Variants in PIK3C2B observed in about 807,000 individuals in gnomAD.
PIK3C2B encodes phosphatidylinositol 4-phosphate 3-kinase C2 domain-containing subunit beta.
PIK3C2B carries 83 observed loss-of-function variants against 184.3 expected under a neutral mutation model. That is an observed-to-expected ratio of 0.45 (90% confidence interval 0.38 to 0.54). PIK3C2B has a LOEUF of 0.54. Among genes scored for constraint, PIK3C2B ranks in the 20% least tolerant of loss-of-function variants. The pLI, the probability that PIK3C2B is intolerant of heterozygous loss-of-function variation, is 0.00. For missense variants in PIK3C2B, 1,736 were observed against 2,113.5 expected (o/e 0.82, Z 3.50); for synonymous variants, 779 against 837.6 (o/e 0.93, Z 1.21).
intron 13 of PIK3C2B, 24 bp from the exon 14 acceptor site, chr1:204,449,320 G>C: frequency 6.4e-7 from 1 of 1,558,772 alleles, no homozygotes; most frequent in Non-Finnish European, 8.8e-7. Context: ...AGAGTGGGAA[G>C]AGCTGCTAAA....
At chr1:204,427,375 C>A (rs1451358622) in intron 31 of PIK3C2B, among the ~76,000 whole-genome samples, 1 of 152,144 alleles carries the variant, frequency 6.6e-6, no homozygotes, top group Non-Finnish European at 1.5e-5. Context: ...CTCATTTAAT[C>A]CCCATAATGA....
At position 204,443,610 on chromosome 1, in the gene PIK3C2B, G is replaced by GGGAGTCA; in HGVS notation, c.2868-20_2868-14dup. 1 of 1,613,138 alleles carries GGGAGTCA rather than the reference G, an allele frequency of 6.2e-7. No individual in the cohort carries two copies. The highest frequency in any genetic ancestry group is 8.5e-7 in the Non-Finnish European group (1 of 1,179,116). On this transcript the variant is annotated splice_polypyrimidine_tract_variant and intron_variant, in intron 18 of 32. Transcript: ENST00000684373. ...GTCCTTCAGTAACCTGCAAGGCAGA[G>GGGAGTCA]GGAGTCAGGAGTCAGGGCACTCCAG... is the stretch of plus-strand genomic sequence containing the variant.
At chr1:204,457,182 G>T in intron 9 of PIK3C2B, 112 bp from the exon 10 acceptor site, 1 of 835,042 alleles carries the variant, frequency 1.2e-6, no homozygotes, top group Non-Finnish European at 1.9e-6. Flanking sequence ...GGGCTGAAAT[G>T]TGAGTAGCTG....
At chr1:204,445,764 G>A (rs1653801997) in intron 16 of PIK3C2B, among the ~76,000 whole-genome samples, 192 bp downstream of exon 16, 1 of 152,168 alleles carries the variant, frequency 6.6e-6, no homozygotes, top group Admixed American at 6.5e-5. Context: ...TTTGTTGTAT[G>A]TTTGAAAAAT....
At position 204,440,312 on chromosome 1, in the gene PIK3C2B, C is replaced by G; in HGVS notation, c.3259G>C (p.Asp1087His). 1 of 1,594,564 alleles carries G rather than the reference C, an allele frequency of 6.3e-7. No homozygotes were observed. The highest frequency in any genetic ancestry group is 8.6e-7 in the Non-Finnish European group (1 of 1,169,546). Residue 1087 changes from aspartate to histidine, a missense_variant, in exon 22 of 33, where the codon GAC (aspartate) becomes CAC (histidine). Around this residue, in one of 8 missense-constraint regions of PIK3C2B, gnomAD observed 289 missense variants for 380.4 expected, o/e 0.76. Transcript: ENST00000684373. ...NIRVIFKCGD[D>H]LRQDMLTLQM... is the part of the protein sequence containing the mutation. ...AGCGTTAGCATGTCCTGGCGAAGGTCGTCCCCACACTGGATGGAGGGAGAA... is the reference window on the plus strand; with the variant it reads ...AGCGTTAGCATGTCCTGGCGAAGGTGGTCCCCACACTGGATGGAGGGAGAA...
Position 204,449,948 on chromosome 1 carries a change from C to T in PIK3C2B, c.2136G>A (p.Leu712=), listed in dbSNP as rs1223647093. The T allele has an allele frequency of 1.9e-6, 3 of 1,610,816 alleles. No homozygotes were observed. Among genetic ancestry groups the T allele is most frequent in the African/African-American group, 2.7e-5 (2 of 74,912 alleles). ...AGGAGCTCCCCGGTGGGGGGATGGG[C>T]AGAGCATAGAGAGTGGCACACAGCA... is the stretch of plus-strand genomic sequence containing the variant. The part of the protein sequence containing the change: ...ETLLCATLYA[L]PIPPPGSSSE... The change falls in exon 13 of 33, where the codon CTG becomes CTA. Residue 712 remains leucine, a synonymous_variant. Coordinates refer to ENST00000684373, the MANE Select transcript of PIK3C2B (RefSeq NM_001377334.1).
chr1:204,480,853 C>A (rs1031395587), intron 1 of PIK3C2B, among the ~76,000 whole-genome samples: 3 of 152,130 alleles, frequency 2.0e-5, no homozygotes, highest in African/African-American at 7.2e-5. Context: ...CTCTCCACCA[C>A]GTGCCCACAG....
chr1:204,488,588 T>G (rs1358834477), intron 1 of PIK3C2B, among the ~76,000 whole-genome samples: 1 of 152,198 alleles, frequency 6.6e-6, no homozygotes, highest in African/African-American at 2.4e-5. Flanking sequence ...AGAGTGTCAG[T>G]GCACATTCAA....
Position 204,469,814 on chromosome 1 carries a change from G to C in PIK3C2B, c.-12C>G, listed in dbSNP as rs879038121. On this transcript the variant is annotated 5_prime_UTR_variant, in exon 2 of 33. Transcript: ENST00000684373. The stretch of plus-strand genomic sequence containing the variant: ...TGAGTCGAAGACATGGTGAGGATGG[G>C]GGACACAGGCAACAAAGTCTCTACT... The C allele has an allele frequency of 1.9e-6, 3 of 1,593,740 alleles. No individual in the cohort carries two copies. The highest frequency in any genetic ancestry group is 2.7e-5 in the African/African-American group (2 of 74,470).
At chr1:204,464,413 A>G in intron 4 of PIK3C2B, 37 bp downstream of exon 4, 1 of 1,586,960 alleles carries the variant, frequency 6.3e-7, no homozygotes, top group Admixed American at 1.7e-5. Flanking sequence ...CCCCACTTCA[A>G]GGGATGCTCA....
At position 204,424,422 on chromosome 1, in the gene PIK3C2B, G is replaced by A; in HGVS notation, c.*430C>T. The A allele has an allele frequency of 3.4e-6, 1 of 298,272 alleles. No individual in the cohort carries two copies. The highest frequency in any genetic ancestry group is 6.8e-6 in the Non-Finnish European group (1 of 147,874). 18.5% of individuals were successfully genotyped at this position (298,272 alleles called of 1,614,324 possible). ...TAGTCTTCCTCTCTTGCCTTCTGGG[G>A]CATAGGTACGTCCCTTCTCGCAAGG... On this transcript the variant is annotated 3_prime_UTR_variant, in exon 33 of 33. Transcript: ENST00000684373.
chr1:204,465,427 A>T (rs1361730421), intron 2 of PIK3C2B, 108 bp from the exon 3 acceptor site: 8 of 699,378 alleles, frequency 1.1e-5, no homozygotes, highest in Non-Finnish European at 2.1e-5. Flanking sequence ...CTTTCTAGTC[A>T]CTCGACATCC....
rs538413273 is a variant in PIK3C2B at position 204,440,789 on chromosome 1, T to A, written c.3250-468A>T. Among the ~76,000 whole-genome samples, 348 of 142,734 alleles carry A rather than the reference T, an allele frequency of 2.4e-3. 2 individuals carry two copies. The highest frequency in any genetic ancestry group is 8.8e-3 in the African/African-American group (327 of 37,110). The allele number at this position is 142,734 out of a possible 152,430, so 93.6% of individuals were successfully genotyped here. A position where few individuals can be genotyped will look rare whatever the true frequency, so the allele number is the denominator to read the frequency against. ...TTTATATATATATATATATATATAT[T>A]TTTAGTAGAGATGGGGTCTCACCAT... On this transcript the variant is annotated intron_variant, in intron 21 of 32. Transcript: ENST00000684373.
intron 5 of PIK3C2B, among the ~76,000 whole-genome samples, chr1:204,462,565 C>T (rs1655422526): frequency 6.6e-6 from 1 of 152,204 alleles, no homozygotes; most frequent in African/African-American, 2.4e-5. Flanking sequence ...ACTCTCTCTG[C>T]CAGGCAACCC....
chr1:204,461,246 C>T (rs901191295), intron 5 of PIK3C2B, among the ~76,000 whole-genome samples: 3 of 152,208 alleles, frequency 2.0e-5, no homozygotes, highest in African/African-American at 7.2e-5. Flanking sequence ...AATAACCTTA[C>T]AAATTTCTAT....
Position 204,446,074 on chromosome 1 carries a change from G to A in PIK3C2B, c.2560C>T (p.Pro854Ser). The A allele has an allele frequency of 1.9e-6, 3 of 1,598,850 alleles. No individual in the cohort carries two copies. The highest frequency in any genetic ancestry group is 1.1e-5 in the South Asian group (1 of 89,386). Residue 854 changes from proline to serine, a missense_variant, in exon 16 of 33, where the codon CCC (proline) becomes TCC (serine). Physicochemically the swap from Pro to Ser is moderately conservative, Grantham distance 74. Transcript: ENST00000684373. ...YYCHSEVSSL[P>S]LVLASAPSWE... ...CTGGGGGCGCTGGCGAGCACCAGGG[G>A]GAGCGAGCTCACCTCCGAGTGGCAG...
At position 204,460,467 on chromosome 1, in the gene PIK3C2B, C is replaced by T. The variant is rs953675920; in HGVS notation, c.1423-64G>A. 3 of 1,535,064 alleles carry T rather than the reference C, an allele frequency of 2.0e-6. No homozygotes were observed. Among genetic ancestry groups the T allele is most frequent in the Admixed American group, 1.7e-5 (1 of 59,904 alleles). On this transcript the variant is annotated intron_variant, in intron 6 of 32. Coordinates refer to ENST00000684373, the MANE Select transcript of PIK3C2B (RefSeq NM_001377334.1). The stretch of plus-strand genomic sequence containing the variant: ...CTTATCTCAGCTCAGCACTCCTACC[C>T]CCCTCCCACCTGATGTGTTCTATAT...
chr1:204,481,704 C>T (rs374581697), intron 1 of PIK3C2B, among the ~76,000 whole-genome samples: 2 of 152,340 alleles, frequency 1.3e-5, no homozygotes, highest in East Asian at 3.9e-4. Flanking sequence ...TGAGGGCACT[C>T]AGGCAAAGAG....
At chr1:204,451,074 G>A (rs1654308286) in intron 12 of PIK3C2B, among the ~76,000 whole-genome samples, 1 of 152,236 alleles carries the variant, frequency 6.6e-6, no homozygotes, top group Non-Finnish European at 1.5e-5. Flanking sequence ...GCAGAGCCCT[G>A]CTCTGTCCCA....
Sources: gnomAD v4.1 joint callset for allele counts (sites outside exome capture counted in the v4.1 genomes callset) on GRCh38, gnomAD v4.1.1 for gene constraint, gnomAD v4.1.1 regional missense constraint, MANE v1.5 for transcripts, NCBI Gene and HGNC (gene_info 2026-07-23, HGNC 2026-07-21) for gene names.